The following DDOST variants were observed in gnomAD, a reference collection of about 807,000 sequenced individuals.
DDOST encodes the protein dolichyl-diphosphooligosaccharide--protein glycosyltransferase 48 kDa subunit.
In DDOST, 25 loss-of-function variants were observed where a neutral mutation model predicts 47.6. That is an observed-to-expected ratio of 0.53 (90% confidence interval 0.38 to 0.73). The LOEUF is 0.73. DDOST is among the 30% of genes least tolerant of loss of function. The pLI is 0.00. For synonymous variants in DDOST, 275 were observed against 236.0 expected (o/e 1.17, Z -1.51); for missense variants, 526 against 573.9 (o/e 0.92, Z 0.85).
chr1:20,660,661 G>A, intron 2 of DDOST: 1 of 464,094 alleles, frequency 2.2e-6, no homozygotes. Context: ...TCCACGGTCT[G>A]CAGCAACACT....
chr1:20,654,673 C>A lies in DDOST; in HGVS notation c.586G>T (p.Asp196Tyr). ...VADPDNPLVL[D>Y]ILTGSSTSYS... ...GAGGTGGAAGAGCCCGTCAGGATGT[C>A]CAGCACCAAAGGGTTATCAGGATCG... Residue 196 changes from aspartate to tyrosine, a missense_variant, in exon 6 of 11, where the codon GAC becomes TAC. Coordinates refer to ENST00000602624, the MANE Select transcript of DDOST (RefSeq NM_005216.5). The A allele has an allele frequency of 6.4e-7, 1 of 1,562,868 alleles. No individual in the cohort carries two copies. The highest frequency in any genetic ancestry group is 8.7e-7 in the Non-Finnish European group (1 of 1,152,414).
intron 2 of DDOST, 130 bp from the exon 3 acceptor site, chr1:20,656,317 A>G (rs893686754): frequency 8.9e-6 from 6 of 674,556 alleles, no homozygotes; most frequent in African/African-American, 1.8e-5. Flanking sequence ...GGGGGCCACA[A>G]TGAGGGAGAG....
rs2053299057 is a variant in DDOST at position 20,652,195 on chromosome 1, G to A, written c.*184C>T. 8.8e-6 allele frequency: 5 copies of A among 568,388 alleles called. No homozygotes were observed. Among genetic ancestry groups the A allele is most frequent in the East Asian group, 3.2e-5 (1 of 31,126 alleles). The allele number at this position is 568,388 out of a possible 1,614,324, so 35.2% of individuals were successfully genotyped here. On this transcript the variant is annotated 3_prime_UTR_variant, in exon 11 of 11. Coordinates refer to ENST00000602624, the MANE Select transcript of DDOST (RefSeq NM_005216.5). ...ATGCCACTTTTAGCAATTCAAAGTG[G>A]AAAAACTTCTTTTATATAAAAATTA...
intron 7 of DDOST, 78 bp from the exon 8 acceptor site, chr1:20,653,852 T>G (rs2053329447): frequency 9.9e-6 from 15 of 1,521,718 alleles, no homozygotes; most frequent in Non-Finnish European, 1.1e-5. Context: ...ACCACTCATG[T>G]CCACCATGAC....
chr1:20,655,198 A>G (rs1269532998), intron 5 of DDOST, among the ~76,000 whole-genome samples: 2 of 132,814 alleles, frequency 1.5e-5, no homozygotes, highest in Non-Finnish European at 3.4e-5. Context: ...TTTTTTTTAA[A>G]GAGAGGAGTT....
intron 3 of DDOST, 36 bp from the exon 4 acceptor site, chr1:20,655,815 A>G: frequency 6.4e-7 from 1 of 1,571,964 alleles, no homozygotes; most frequent in Non-Finnish European, 8.8e-7. Context: ...CTGAGCCCTT[A>G]CAGGGGGGCC....
In DDOST at chr1:20,653,652, TTGGG is replaced by T. The variant is rs1557571208; in HGVS notation, c.913_916del (p.Pro305MetfsTer8). On this transcript the variant is annotated frameshift_variant, in exon 8 of 11. Coordinates refer to ENST00000602624, the MANE Select transcript of DDOST (RefSeq NM_005216.5). LOFTEE classifies it high-confidence loss of function. ...CACTAGGTCAGTGACAGTGTAGGCA[TTGGG>T]TGGGGCTGTCTCGCCCACCCGATGA... 1 of 1,611,406 alleles carries T rather than the reference TTGGG, an allele frequency of 6.2e-7. No individual in the cohort carries two copies. Among genetic ancestry groups the T allele is most frequent in the Non-Finnish European group, 8.5e-7 (1 of 1,178,258 alleles).
chr1:20,654,517 T>A, intron 6 of DDOST, 97 bp downstream of exon 6: 1 of 1,384,590 alleles, frequency 7.2e-7, no homozygotes, highest in Non-Finnish European at 1.0e-6. Context: ...CTTCTGCCCA[T>A]GCCCCACCCC....
chr1:20,652,278 C>T lies in DDOST; in HGVS notation c.*101G>A, dbSNP rs1003533489. 13 of 1,255,576 alleles carry T rather than the reference C, an allele frequency of 1.0e-5. No homozygotes were observed. Among genetic ancestry groups the T allele is most frequent in the Non-Finnish European group, 1.4e-5 (13 of 937,266 alleles). 77.8% of individuals were successfully genotyped at this position (1,255,576 alleles called of 1,614,324 possible). A position where few individuals can be genotyped will look rare whatever the true frequency, so the allele number is the denominator to read the frequency against. On this transcript the variant is annotated 3_prime_UTR_variant, in exon 11 of 11. Coordinates refer to ENST00000602624, the MANE Select transcript of DDOST (RefSeq NM_005216.5). ...CATCTCCCACAGAGGTAAAGTTGTG[C>T]CATTTTCCCACGGCTTTAAACAAAG...
chr1:20,656,657 G>A (rs1277753984), intron 2 of DDOST, among the ~76,000 whole-genome samples: 2 of 152,166 alleles, frequency 1.3e-5, no homozygotes, highest in African/African-American at 4.8e-5. Context: ...GCCATCACTT[G>A]ACAATAGTAC....
At chr1:20,658,722 GTGT>G (rs1393428824) in intron 2 of DDOST, among the ~76,000 whole-genome samples, 3 of 152,154 alleles carry the variant, frequency 2.0e-5, no homozygotes, top group Non-Finnish European at 4.4e-5. Flanking sequence ...GAACTTACGG[GTGT>G]TGTTTTTATT....
chr1:20,655,916 G>C, intron 3 of DDOST, 137 bp from the exon 4 acceptor site: 1 of 829,902 alleles, frequency 1.2e-6, no homozygotes, highest in South Asian at 1.5e-5. Context: ...GCCCCAGATG[G>C]ACCCCTGGAC....
intron 2 of DDOST, among the ~76,000 whole-genome samples, chr1:20,658,258 T>C (rs1419145245): frequency 1.3e-5 from 2 of 152,224 alleles, no homozygotes; most frequent in African/African-American, 4.8e-5. Context: ...GCCAGTGACC[T>C]GGGAGCCTTC....
Position 20,652,159 on chromosome 1 carries a change from A to ACAT in DDOST, c.*217_*219dup, listed in dbSNP as rs1471445847. ...TTTTAGAAATGAGAGGAGTGACTGCACATAGGAAAAATGCCACTTTTAGCA... is the reference window on the plus strand; with the variant it reads ...TTTTAGAAATGAGAGGAGTGACTGCACATCATAGGAAAAATGCCACTTTTAGCA... On this transcript the variant is annotated 3_prime_UTR_variant, in exon 11 of 11. Transcript: ENST00000602624. 1 of 467,946 alleles carries ACAT rather than the reference A, an allele frequency of 2.1e-6. No individual in the cohort carries two copies. 29.0% of individuals were successfully genotyped at this position (467,946 alleles called of 1,614,324 possible).
Position 20,651,909 on chromosome 1 carries a change from T to G in DDOST, c.*470A>C, listed in dbSNP as rs1354629579. 1 of 154,720 alleles carries G rather than the reference T, an allele frequency of 6.5e-6. No homozygotes were observed. The highest frequency in any genetic ancestry group is 2.4e-5 in the African/African-American group (1 of 41,414). 9.6% of individuals were successfully genotyped at this position (154,720 alleles called of 1,614,324 possible). ...GGCGTGATCTCAGCTCACTGCAAGC[T>G]CTGCCTCTTGGATTCATGCCTTTCT... On this transcript the variant is annotated 3_prime_UTR_variant, in exon 11 of 11. Transcript: ENST00000602624.
In DDOST at chr1:20,652,392, T is replaced by C; in HGVS notation, c.1307A>G (p.Glu436Gly). ...SIVFLHMKEKEKSD is the reference protein window; with the variant it reads ...SIVFLHMKEKGKSD ...GGCTCTAGCCCCTCAGTCGGACTTC[T>C]CCTTCTCCTTCATGTGCAAGAAGAC... The change falls in exon 11 of 11, where the codon GAG becomes GGG. Residue 436 changes from glutamate to glycine, a missense_variant. Physicochemically the swap from Glu to Gly is moderately conservative, Grantham distance 98. Coordinates refer to ENST00000602624, the MANE Select transcript of DDOST (RefSeq NM_005216.5). The C allele has an allele frequency of 6.2e-7, 1 of 1,612,876 alleles. No homozygotes were observed. The highest frequency in any genetic ancestry group is 1.3e-5 in the African/African-American group (1 of 75,008).
At chr1:20,658,324 C>T (rs1041234403) in intron 2 of DDOST, among the ~76,000 whole-genome samples, 1 of 152,252 alleles carries the variant, frequency 6.6e-6, no homozygotes, top group African/African-American at 2.4e-5. Flanking sequence ...CAGGCCAGCA[C>T]TCACTCACCT....
intron 7 of DDOST, 83 bp downstream of exon 7, chr1:20,654,140 C>G: frequency 6.8e-7 from 1 of 1,467,186 alleles, no homozygotes; most frequent in Non-Finnish European, 9.2e-7. Context: ...AGCTAAAAGC[C>G]TCCTTCTTCC....
rs150466875 is a variant in DDOST at position 20,651,922 on chromosome 1, T to G, written c.*457A>C. The G allele has an allele frequency of 0.053, 8,320 of 155,672 alleles. 314 individuals carry two copies. Among genetic ancestry groups the G allele is most frequent in the Non-Finnish European group, 0.077 (5,453 of 70,428 alleles). 9.6% of individuals were successfully genotyped at this position (155,672 alleles called of 1,614,324 possible). A position where few individuals can be genotyped will look rare whatever the true frequency, so the allele number is the denominator to read the frequency against. On this transcript the variant is annotated 3_prime_UTR_variant, in exon 11 of 11. Transcript: ENST00000602624. ...CTCACTGCAAGCTCTGCCTCTTGGA[T>G]TCATGCCTTTCTCCTGCCTCAGCCT...
Sources: gnomAD v4.1 joint callset for allele counts (sites outside exome capture counted in the v4.1 genomes callset) on GRCh38, gnomAD v4.1.1 for gene constraint, MANE v1.5 for transcripts, NCBI Gene and HGNC (gene_info 2026-07-23, HGNC 2026-07-21) for gene names.